SLC25A24: variants seen among roughly 807,000 people sequenced by gnomAD.
SLC25A24 encodes the protein solute carrier family 25 member 24.
SLC25A24 carries 49 observed loss-of-function variants against 60.7 expected under a neutral mutation model. The observed-to-expected ratio is 0.81, with a 90% confidence interval of 0.64 to 1.02. SLC25A24 has a LOEUF of 1.02. SLC25A24 is among the 50% of genes least tolerant of loss of function. SLC25A24 has a pLI of 0.00. For missense variants in SLC25A24, 564 were observed against 586.3 expected (o/e 0.96, Z 0.39); for synonymous variants, 202 against 200.6 (o/e 1.01, Z -0.06).
At chr1:108,192,813 G>GGCTTCAGCGCAAAGGCGCGAGCGC in intron 1 of SLC25A24, 1 of 1,248,684 alleles carries the variant, frequency 8.0e-7, no homozygotes, top group East Asian at 4.4e-5. Flanking sequence ...TCATCCTAAC[G>GGCTTCAGCGCAAAGGCGCGAGCGC]GCTTCAGCGC....
At chr1:108,138,969 C>T (rs1679367760) in intron 9 of SLC25A24, 89 bp downstream of exon 9, 1 of 1,280,598 alleles carries the variant, frequency 7.8e-7, no homozygotes, top group Non-Finnish European at 1.0e-6. Context: ...CTTAAAACTA[C>T]AGTCTGCATC....
At chr1:108,139,266 T>A in intron 8 of SLC25A24, 58 bp from the exon 9 acceptor site, 1 of 1,497,022 alleles carries the variant, frequency 6.7e-7, no homozygotes, top group African/African-American at 1.4e-5. Flanking sequence ...AACGTAAACA[T>A]TTTCACAGCT....
At chr1:108,160,395 G>A (rs1449492455) in intron 4 of SLC25A24, among the ~76,000 whole-genome samples, 3 of 151,552 alleles carry the variant, frequency 2.0e-5, no homozygotes, top group South Asian at 4.2e-4. Context: ...CCAGACGATG[G>A]GCGGCCGGGC....
Position 108,135,077 on chromosome 1 carries a change from C to T in SLC25A24, c.*1576G>A, listed in dbSNP as rs536152061. On this transcript the variant is annotated 3_prime_UTR_variant, in exon 10 of 10. Transcript: ENST00000565488. Reference sequence around the variant, plus strand: ...AAATTATTCATTTCCATAATTTTTACGAGTAAAAATAGAAAGAGCTGATCA... The same window carrying T: ...AAATTATTCATTTCCATAATTTTTATGAGTAAAAATAGAAAGAGCTGATCA... 9.9e-5 allele frequency: 15 copies of T among 152,182 alleles called. No homozygotes were observed. Among genetic ancestry groups the T allele is most frequent in the African/African-American group, 3.1e-4 (13 of 41,376 alleles). The allele number at this position is 152,182 out of a possible 1,614,324, so 9.4% of individuals were successfully genotyped here.
intron 1 of SLC25A24, among the ~76,000 whole-genome samples, chr1:108,190,518 T>C (rs1009047769): frequency 1.1e-4 from 16 of 152,206 alleles, no homozygotes; most frequent in Admixed American, 5.2e-4. Flanking sequence ...CAGACTGCTG[T>C]AAATTTTGAG....
intron 3 of SLC25A24, among the ~76,000 whole-genome samples, chr1:108,164,903 C>G (rs1332649301): frequency 8.0e-6 from 1 of 124,948 alleles, no homozygotes; most frequent in Non-Finnish European, 1.7e-5. Context: ...AATTTTGGAT[C>G]TTTCCTGCTT....
intron 4 of SLC25A24, among the ~76,000 whole-genome samples, chr1:108,159,941 C>T (rs1201232196): frequency 1.3e-5 from 2 of 151,984 alleles, no homozygotes; most frequent in Non-Finnish European, 2.9e-5. Flanking sequence ...TCCACAAAAC[C>T]GCCATTGTCA....
At chr1:108,195,130 G>A (rs1471290439) in intron 1 of SLC25A24, among the ~76,000 whole-genome samples, 2 of 152,108 alleles carry the variant, frequency 1.3e-5, no homozygotes, top group East Asian at 3.9e-4. Context: ...AACTCAGCAG[G>A]GTCAAAAGAA....
intron 1 of SLC25A24, chr1:108,199,025 C>T (rs1297667856): frequency 6.6e-6 from 1 of 152,192 alleles, no homozygotes; most frequent in African/African-American, 2.4e-5. Context: ...CCTACAGATT[C>T]AGTCAGAAGT....
At chr1:108,144,900 T>C (rs1449903123) in intron 7 of SLC25A24, among the ~76,000 whole-genome samples, 2 of 152,234 alleles carry the variant, frequency 1.3e-5, no homozygotes, top group Admixed American at 6.5e-5. Flanking sequence ...TACGTGTGCA[T>C]GTGTCTTTAT....
chr1:108,137,512 G>A (rs1679323692), intron 9 of SLC25A24, among the ~76,000 whole-genome samples: 14 of 152,190 alleles, frequency 9.2e-5, no homozygotes, highest in Admixed American at 9.2e-4. Context: ...AGTGAACAAA[G>A]TGGGGCTAGA....
At chr1:108,157,989 C>T (rs942137466) in intron 4 of SLC25A24, among the ~76,000 whole-genome samples, 5 of 151,960 alleles carry the variant, frequency 3.3e-5, no homozygotes, top group Admixed American at 6.5e-5. Context: ...AGAAAACCAA[C>T]TGGTGATGAC....
chr1:108,197,543 C>T (rs1218476491), intron 1 of SLC25A24, among the ~76,000 whole-genome samples: 5 of 152,168 alleles, frequency 3.3e-5, no homozygotes, highest in African/African-American at 4.8e-5. Context: ...AATTTTCTCC[C>T]ATAAAGGTTG....
chr1:108,156,746 C>G (rs768995516), intron 5 of SLC25A24, among the ~76,000 whole-genome samples: 2 of 152,284 alleles, frequency 1.3e-5, no homozygotes, highest in East Asian at 3.9e-4. Flanking sequence ...ATATTCTTAT[C>G]CCCATCCCAG....
At chr1:108,137,899 T>G (rs1210360508) in intron 9 of SLC25A24, among the ~76,000 whole-genome samples, 1 of 152,248 alleles carries the variant, frequency 6.6e-6, no homozygotes, top group Non-Finnish European at 1.5e-5. Context: ...TTCACTACTT[T>G]GTGTTTTTCT....
intron 5 of SLC25A24, among the ~76,000 whole-genome samples, chr1:108,156,773 AC>A (rs1160826236): frequency 6.6e-6 from 1 of 152,146 alleles, no homozygotes; most frequent in African/African-American, 2.4e-5. Context: ...GGAAAATGAG[AC>A]CTCAGAGGTT....
chr1:108,176,208 TG>T (rs1558022142), intron 3 of SLC25A24, among the ~76,000 whole-genome samples: 1 of 151,736 alleles, frequency 6.6e-6, no homozygotes, highest in African/African-American at 2.4e-5. Flanking sequence ...ACAGAAATCA[TG>T]GGGCTGAAAA....
At chr1:108,170,340 C>A (rs78330559) in intron 3 of SLC25A24, among the ~76,000 whole-genome samples, 166 of 152,188 alleles carry the variant, frequency 1.1e-3, no homozygotes, top group Middle Eastern at 3.4e-3. Flanking sequence ...TCTTGTGATA[C>A]CAGTTCTTTG....
chr1:108,150,826 C>A (rs1294129181), intron 6 of SLC25A24, among the ~76,000 whole-genome samples: 1 of 152,196 alleles, frequency 6.6e-6, no homozygotes. Context: ...GGTTAATCAA[C>A]CTCTCTTACC....
Sources: gnomAD v4.1 joint callset for allele counts (sites outside exome capture counted in the v4.1 genomes callset) on GRCh38, gnomAD v4.1.1 for gene constraint, MANE v1.5 for transcripts, NCBI Gene and HGNC (gene_info 2026-07-23, HGNC 2026-07-21) for gene names.